Variants in RBFOX1 observed in about 807,000 individuals in gnomAD.
The protein encoded by RBFOX1 is RNA binding protein fox-1 homolog 1.
RBFOX1 carries 8 observed loss-of-function variants against 57.7 expected under a neutral mutation model. The ratio of observed to expected loss-of-function variants is 0.14; its 90% CI spans 0.08 to 0.25. The LOEUF (loss-of-function observed/expected upper bound fraction) is 0.25. Ranked by LOEUF, RBFOX1 falls within the 10% of genes least tolerant of loss-of-function variation. RBFOX1 has a pLI of 1.00. For missense variants in RBFOX1, 611 were observed against 548.5 expected, an observed-to-expected ratio of 1.11 and a Z score of -1.14; for synonymous variants, 326 against 222.4, an observed-to-expected ratio of 1.47 and a Z score of -4.15.
Position 5,945,262 on chromosome 16 carries a change from C to G in RBFOX1, c.351+77927C>G, listed in dbSNP as rs550832872. Among the ~76,000 whole-genome samples the G allele has an allele frequency of 2.6e-5, 4 of 152,238 alleles. No individual in the cohort carries two copies. In the South Asian group the frequency reaches 8.3e-4, roughly 32 times the overall value. On this transcript the variant is annotated intron_variant, in intron 4 of 19. Coordinates refer to the RBFOX1 transcript ENST00000641259. The stretch of plus-strand genomic sequence containing the variant: ...TCGTGGGTCTTACCTTTGGTTTTAG[C>G]TAGCAGACACGAGGACCCACACATG...
At chr16:7,503,376 C>T (rs1488765910) in intron 4 of RBFOX1, among the ~76,000 whole-genome samples, 1 of 152,162 alleles carries the variant, frequency 6.6e-6, no homozygotes, top group Non-Finnish European at 1.5e-5. Flanking sequence ...CAATTTCCTC[C>T]TTTAGAAGCA....
intron 3 of RBFOX1, among the ~76,000 whole-genome samples, chr16:6,990,960 C>T (rs1327956485): frequency 6.6e-6 from 1 of 151,962 alleles, no homozygotes; most frequent in Admixed American, 6.6e-5. Context: ...TCATTGATTG[C>T]ATATTTTAAA....
Position 5,966,812 on chromosome 16 carries a change from A to C in RBFOX1, c.351+99477A>C, listed in dbSNP as rs1187263339. Among the ~76,000 whole-genome samples, 11 of 151,972 alleles carry C rather than the reference A, an allele frequency of 7.2e-5. 1 individual carries two copies. Among genetic ancestry groups the C allele is most frequent in the African/African-American group, 2.4e-4 (10 of 41,390 alleles). On this transcript the variant is annotated intron_variant, in intron 4 of 19. Transcript: ENST00000641259. ...TTGCAATTTGAGATGAGATTTGGGT[A>C]GGGGGGCAGATCCAAACCATATCAG...
intron 4 of RBFOX1, among the ~76,000 whole-genome samples, chr16:7,211,951 C>T (rs547685252): frequency 6.6e-6 from 1 of 152,148 alleles, no homozygotes; most frequent in African/African-American, 2.4e-5. Context: ...TCCTCTCACC[C>T]CTACTCCCTC....
chr16:6,855,856 T>TGTTTCCC (rs1555533200), intron 3 of RBFOX1, among the ~76,000 whole-genome samples: 1 of 144,606 alleles, frequency 6.9e-6, no homozygotes, highest in Non-Finnish European at 1.5e-5. Flanking sequence ...TTTCCCTCCC[T>TGTTTCCC]TCCTTTCTTC....
intron 3 of RBFOX1, among the ~76,000 whole-genome samples, chr16:5,724,759 C>G (rs549023924): frequency 1.3e-5 from 2 of 152,150 alleles, no homozygotes; most frequent in African/African-American, 2.4e-5. Flanking sequence ...TACCAAGTAC[C>G]TGGCACCATA....
intron 3 of RBFOX1, among the ~76,000 whole-genome samples, chr16:6,963,907 C>G (rs573855233): frequency 1.2e-4 from 19 of 152,090 alleles, no homozygotes; most frequent in Non-Finnish European, 2.1e-4. Flanking sequence ...ACTGTGTTAG[C>G]CAAGACGGTG....
intron 2 of RBFOX1, among the ~76,000 whole-genome samples, chr16:6,328,393 T>C (rs2082621766): frequency 6.6e-6 from 1 of 152,116 alleles, no homozygotes. Flanking sequence ...CTTATTCATA[T>C]AACAAAATGC....
chr16:7,492,578 A>T (rs1271690300), intron 4 of RBFOX1, among the ~76,000 whole-genome samples: 2 of 152,172 alleles, frequency 1.3e-5, no homozygotes, highest in East Asian at 3.8e-4. Context: ...TATCATTTAG[A>T]TATTGTCCCA....
chr16:6,277,458 C>CAAAAAAAAAAAAAAAAA (rs59733415), intron 1 of RBFOX1, among the ~76,000 whole-genome samples: 45 of 80,808 alleles, frequency 5.6e-4, no homozygotes, highest in African/African-American at 2.1e-3. Flanking sequence ...GTCTGTCTCC[C>CAAAAAAAAAAAAAAAAA]AAAAAAAAAA....
At chr16:5,840,848 G>C (rs372735469) in intron 3 of RBFOX1, among the ~76,000 whole-genome samples, 1 of 152,186 alleles carries the variant, frequency 6.6e-6, no homozygotes, top group African/African-American at 2.4e-5. Flanking sequence ...CCGAGAGCCA[G>C]TGCCTGTCTG....
chr16:6,028,579 G>A (rs1486500640), intron 1 of RBFOX1, among the ~76,000 whole-genome samples: 1 of 151,272 alleles, frequency 6.6e-6, no homozygotes, highest in African/African-American at 2.4e-5. Context: ...AGCTACTCAG[G>A]AGGCTGGGAC....
chr16:7,710,240 C>T, intron 15 of RBFOX1: 6 of 1,063,256 alleles, frequency 5.6e-6, no homozygotes, highest in Non-Finnish European at 6.8e-6. Context: ...TCTGCTTCAA[C>T]ACCTAGTCCA....
intron 4 of RBFOX1, among the ~76,000 whole-genome samples, chr16:7,453,809 G>T (rs1007637428): frequency 2.6e-5 from 4 of 152,136 alleles, no homozygotes; most frequent in African/African-American, 9.7e-5. Context: ...AAGCACGGAG[G>T]AGCACCTTCA....
intron 1 of RBFOX1, among the ~76,000 whole-genome samples, chr16:6,023,430 A>G (rs1219791531): frequency 1.3e-5 from 2 of 152,188 alleles, no homozygotes; most frequent in Non-Finnish European, 2.9e-5. Flanking sequence ...CTGATAGTAC[A>G]TATTTTTTGT....
chr16:6,910,924 G>C lies in RBFOX1; in HGVS notation c.-15-141133G>C, dbSNP rs534673506. Among the ~76,000 whole-genome samples, 3 of 152,280 alleles carry C rather than the reference G, an allele frequency of 2.0e-5. No individual in the cohort carries two copies. In the East Asian group the frequency reaches 5.8e-4, roughly 29 times the overall value. ...TGTTAGTAAAGAGGAAGGAGGGTCA[G>C]GTGCAGAGGCTCACACCTGTAATCC... is the stretch of plus-strand genomic sequence containing the variant. On this transcript the variant is annotated intron_variant, in intron 3 of 15. Coordinates refer to ENST00000550418, the MANE Select transcript of RBFOX1 (RefSeq NM_018723.4).
chr16:7,233,768 A>G (rs1422727932), intron 4 of RBFOX1, among the ~76,000 whole-genome samples: 1 of 152,180 alleles, frequency 6.6e-6, no homozygotes, highest in Admixed American at 6.5e-5. Flanking sequence ...AATTTATTAA[A>G]TGGCAGTTTT....
chr16:6,507,602 T>G (rs192604527), intron 2 of RBFOX1, among the ~76,000 whole-genome samples: 89 of 148,534 alleles, frequency 6.0e-4, no homozygotes, highest in African/African-American at 2.2e-3. Context: ...GCCCAGGAGG[T>G]GGAGGCTGCA....
intron 4 of RBFOX1, among the ~76,000 whole-genome samples, chr16:7,361,013 G>C (rs938915000): frequency 2.0e-5 from 3 of 152,158 alleles, no homozygotes; most frequent in Non-Finnish European, 4.4e-5. Flanking sequence ...GAATGAATGG[G>C]AATCAACCCA....
Sources: allele counts gnomAD v4.1 joint callset (sites outside exome capture counted in the v4.1 genomes callset), GRCh38; gene constraint gnomAD v4.1.1; transcripts MANE v1.5; gene names NCBI Gene and HGNC (gene_info 2026-07-23, HGNC 2026-07-21).